The following SLC24A4 variants were observed in gnomAD, a reference collection of about 807,000 sequenced individuals.
SLC24A4 encodes sodium/potassium/calcium exchanger 4.
Under a neutral mutation model 79.0 loss-of-function variants are expected in SLC24A4, and 53 were observed. The ratio of observed to expected loss-of-function variants is 0.67; its 90% CI spans 0.54 to 0.84. The LOEUF is 0.84. SLC24A4 is among the 40% of genes least tolerant of loss of function. SLC24A4 has a pLI of 0.00. For synonymous variants in SLC24A4, 323 were observed against 323.8 expected (o/e 1.00, Z 0.03); for missense variants, 731 against 822.0 (o/e 0.89, Z 1.35).
In SLC24A4 at chr14:92,398,298, G is replaced by C. The variant is rs971040368; in HGVS notation, c.242-35614G>C. Among the ~76,000 whole-genome samples the C allele has an allele frequency of 1.3e-5, 2 of 152,188 alleles. No homozygotes were observed. Among genetic ancestry groups the C allele is most frequent in the Non-Finnish European group, 2.9e-5 (2 of 68,038 alleles). ...TATCTTCGGAGCAGTAGAGGTCACC[G>C]AGGGCTTCTGAGGGATGGCCTGGCA... On this transcript the variant is annotated intron_variant, in intron 2 of 16. Coordinates refer to ENST00000532405, the MANE Select transcript of SLC24A4 (RefSeq NM_153646.4). This position sits in a 1 kb window ranked among gnomAD's most constrained non-coding sequence, Gnocchi z 4.1.
At chr14:92,341,287 G>A (rs554072228) in intron 2 of SLC24A4, among the ~76,000 whole-genome samples, 148 of 152,256 alleles carry the variant, frequency 9.7e-4, no homozygotes, top group African/African-American at 3.5e-3. Flanking sequence ...CCCTGGGGAC[G>A]TGAACAATAC....
intron 2 of SLC24A4, among the ~76,000 whole-genome samples, chr14:92,334,889 G>GTCATCATCA (rs372925906): frequency 1.3e-5 from 2 of 151,110 alleles, no homozygotes; most frequent in African/African-American, 4.9e-5. Context: ...CATCATCATC[G>GTCATCATCA]TCATCATCAT....
chr14:92,358,398 A>G (rs1887299827), intron 2 of SLC24A4, among the ~76,000 whole-genome samples: 1 of 152,108 alleles, frequency 6.6e-6, no homozygotes, highest in Admixed American at 6.5e-5. Context: ...ATTACATCGA[A>G]TAATCTATTA....
At chr14:92,352,227 G>A (rs931352273) in intron 2 of SLC24A4, among the ~76,000 whole-genome samples, 33 of 152,130 alleles carry the variant, frequency 2.2e-4, no homozygotes, top group Non-Finnish European at 1.5e-5. Flanking sequence ...AGCATAGAAT[G>A]GAGGTTTGAC....
At chr14:92,350,876 T>G (rs1207973127) in intron 2 of SLC24A4, among the ~76,000 whole-genome samples, 1 of 152,104 alleles carries the variant, frequency 6.6e-6, no homozygotes, top group Non-Finnish European at 1.5e-5. Context: ...GGTGATTGGG[T>G]CATGAAAGTG....
At chr14:92,447,551 G>C (rs1336945624) in intron 9 of SLC24A4, 127 bp downstream of exon 9, 1 of 875,996 alleles carries the variant, frequency 1.1e-6, no homozygotes, top group Non-Finnish European at 1.8e-6. Flanking sequence ...CCAGCTCTCT[G>C]GTAGACACCC....
chr14:92,472,038 T>C (rs36026988), intron 12 of SLC24A4, among the ~76,000 whole-genome samples: 28,789 of 152,160 alleles, frequency 0.19, 2,968 homozygotes, highest in Non-Finnish European at 0.23. Context: ...CCCAGGGCCC[T>C]TCAGTTCTCA....
intron 14 of SLC24A4, among the ~76,000 whole-genome samples, chr14:92,489,381 G>C (rs1425923854): frequency 6.6e-6 from 1 of 152,030 alleles, no homozygotes; most frequent in Non-Finnish European, 1.5e-5. Flanking sequence ...AGATGTTACA[G>C]TGAACCACTG....
intron 12 of SLC24A4, among the ~76,000 whole-genome samples, chr14:92,479,772 G>A (rs1465700105): frequency 1.3e-5 from 2 of 152,340 alleles, no homozygotes; most frequent in Non-Finnish European, 2.9e-5. Flanking sequence ...AAGAGTTTGA[G>A]AAGGAGTCAT....
At chr14:92,484,767 A>G (rs1566803670) in intron 13 of SLC24A4, 1 of 985,276 alleles carries the variant, frequency 1.0e-6, no homozygotes, top group Non-Finnish European at 1.2e-6. Flanking sequence ...CTCCCAGCCC[A>G]AAACAGTTTG....
At chr14:92,372,020 T>C (rs574238607) in intron 2 of SLC24A4, among the ~76,000 whole-genome samples, 3 of 152,246 alleles carry the variant, frequency 2.0e-5, no homozygotes, top group East Asian at 3.9e-4. Context: ...GTTCCTCCCC[T>C]TGGGGGACTC....
At chr14:92,349,277 A>G (rs558921032) in intron 2 of SLC24A4, among the ~76,000 whole-genome samples, 2 of 152,066 alleles carry the variant, frequency 1.3e-5, no homozygotes, top group South Asian at 4.2e-4. Context: ...ACCCTGCCTC[A>G]GCCTCCTGAG....
chr14:92,472,604 A>G (rs1209619260), intron 12 of SLC24A4, among the ~76,000 whole-genome samples: 1 of 152,198 alleles, frequency 6.6e-6, no homozygotes, highest in African/African-American at 2.4e-5. Context: ...GCTGAGTAGT[A>G]TTCCATCATA....
At chr14:92,419,699 G>T (rs901532669) in intron 2 of SLC24A4, among the ~76,000 whole-genome samples, 1 of 152,184 alleles carries the variant, frequency 6.6e-6, no homozygotes, top group Non-Finnish European at 1.5e-5. Context: ...GGATATAAAA[G>T]ATCCAATAAT....
intron 12 of SLC24A4, among the ~76,000 whole-genome samples, chr14:92,477,473 T>C (rs1894831620): frequency 6.6e-6 from 1 of 152,182 alleles, no homozygotes; most frequent in Non-Finnish European, 1.5e-5. Flanking sequence ...TTTGTTGTTG[T>C]TGTTTTGTTT....
At chr14:92,387,599 G>T (rs1053529419) in intron 2 of SLC24A4, among the ~76,000 whole-genome samples, 1 of 152,206 alleles carries the variant, frequency 6.6e-6, no homozygotes, top group Admixed American at 6.5e-5. Flanking sequence ...TAAATGTGCA[G>T]TTCAGCAGCA....
chr14:92,488,887 A>G (rs1895520734), intron 14 of SLC24A4, among the ~76,000 whole-genome samples: 1 of 152,190 alleles, frequency 6.6e-6, no homozygotes, highest in Admixed American at 6.5e-5. Context: ...CCTGGAGTTC[A>G]GGCTAGGGAG....
intron 2 of SLC24A4, among the ~76,000 whole-genome samples, chr14:92,340,987 G>A (rs999558851): frequency 5.9e-5 from 9 of 152,260 alleles, no homozygotes; most frequent in African/African-American, 9.6e-5. Flanking sequence ...TTTCTCAGGT[G>A]GACAACCAGT....
chr14:92,359,021 C>T (rs1887346933), intron 2 of SLC24A4, among the ~76,000 whole-genome samples: 1 of 152,054 alleles, frequency 6.6e-6, no homozygotes, highest in Non-Finnish European at 1.5e-5. Context: ...ATCAGGTCTC[C>T]AGGCCCAGCC....
Sources: allele counts gnomAD v4.1 joint callset (sites outside exome capture counted in the v4.1 genomes callset), GRCh38; gene constraint gnomAD v4.1.1; non-coding constraint Gnocchi (gnomAD v3.1); transcripts MANE v1.5; gene names NCBI Gene and HGNC (gene_info 2026-07-23, HGNC 2026-07-21).